The following CELF2 variants were observed in gnomAD, a reference collection of about 807,000 sequenced individuals.
CELF2 encodes the protein CUG triplet repeat RNA-binding protein 2.
Under a neutral mutation model 62.6 loss-of-function variants are expected in CELF2, and 8 were observed. The ratio of observed to expected loss-of-function variants is 0.13; its 90% CI spans 0.07 to 0.23. The LOEUF (loss-of-function observed/expected upper bound fraction) is 0.23. Ranked by LOEUF, CELF2 falls within the 10% of genes least tolerant of loss-of-function variation. The pLI is 1.00. For synonymous variants in CELF2, 258 were observed against 250.0 expected (o/e 1.03, Z -0.30); for missense variants, 333 against 671.0 (o/e 0.50, Z 5.56).
chr10:10,908,142 C>T (rs1258595468), intron 1 of CELF2, among the ~76,000 whole-genome samples: 1 of 150,596 alleles, frequency 6.6e-6, no homozygotes, highest in Non-Finnish European at 1.5e-5. Context: ...CCTCGGGGAG[C>T]CTCACTTTAC....
rs2065485794 is a variant in CELF2, at chr10:11,223,396, A to C, written c.354+5889A>C. On this transcript the variant is annotated intron_variant, in intron 3 of 12. Transcript: ENST00000633077. This position sits in a 1 kb window ranked among gnomAD's most constrained non-coding sequence, Gnocchi z 5.1. ...ATTCCACACATGTATTCTGCTGCGG[A>C]ATGTGTCAGTCAGGACATCCATTTG... 6.6e-6 allele frequency among the ~76,000 whole-genome samples: 1 copy of C among 152,218 alleles called. No homozygotes were observed. Among genetic ancestry groups the C allele is most frequent in the African/African-American group, 2.4e-5 (1 of 41,452 alleles).
chr10:10,727,115 G>A, the CELF2 span, among the ~76,000 whole-genome samples: 5 of 152,120 alleles, frequency 3.3e-5, no homozygotes, highest in Admixed American at 6.6e-5. Flanking sequence ...GATCACCTCC[G>A]GCCAGGCCCC....
chr10:11,129,657 G>A (rs1632052), intron 1 of CELF2, among the ~76,000 whole-genome samples: 42,886 of 151,994 alleles, frequency 0.28, 7,246 homozygotes, highest in East Asian at 0.76. Context: ...TTTCTAGTTT[G>A]TTTGTGTAGA....
At position 11,324,572 on chromosome 10, in the gene CELF2, A is replaced by G. The variant is rs1408562286; in HGVS notation, c.1295-1264A>G. 6.6e-6 allele frequency among the ~76,000 whole-genome samples: 1 copy of G among 152,248 alleles called. No individual in the cohort carries two copies. Among genetic ancestry groups the G allele is most frequent in the Non-Finnish European group, 1.5e-5 (1 of 68,036 alleles). On this transcript the variant is annotated intron_variant, in intron 11 of 12. Coordinates refer to ENST00000633077, the MANE Select transcript of CELF2 (RefSeq NM_001326342.2). This position sits in a 1 kb window ranked among gnomAD's most constrained non-coding sequence, Gnocchi z 4.7. ...AAAGTTACAGTAGTCATTAAGACACACTTTTAAATGAGAAAGGAAGAGTTC... is the reference window on the plus strand; with the variant it reads ...AAAGTTACAGTAGTCATTAAGACACGCTTTTAAATGAGAAAGGAAGAGTTC...
chr10:11,239,140 T>C (rs975642330), intron 3 of CELF2, among the ~76,000 whole-genome samples: 1 of 152,250 alleles, frequency 6.6e-6, no homozygotes, highest in African/African-American at 2.4e-5. Flanking sequence ...AATTCCCTCA[T>C]AGAATTCCAC....
the CELF2 span, among the ~76,000 whole-genome samples, chr10:10,788,634 T>C: frequency 2.4e-4 from 36 of 151,902 alleles, no homozygotes; most frequent in Admixed American, 2.4e-3. Flanking sequence ...GGCTAATCTT[T>C]GTATTTTTAG....
chr10:11,252,266 C>T (rs2077376682), intron 4 of CELF2, among the ~76,000 whole-genome samples: 1 of 152,198 alleles, frequency 6.6e-6, no homozygotes, highest in African/African-American at 2.4e-5. Flanking sequence ...GCTCAAAGAG[C>T]ACAAAGATTT....
the CELF2 span, among the ~76,000 whole-genome samples, chr10:10,700,914 A>C: frequency 1.3e-5 from 2 of 152,264 alleles, no homozygotes; most frequent in African/African-American, 4.8e-5. Context: ...AGTTTAAGGG[A>C]GATTGGAGGT....
rs990033104 is a variant in CELF2 at position 11,207,520 on chromosome 10, C to T, written c.272-9905C>T. 9.9e-5 allele frequency among the ~76,000 whole-genome samples: 15 copies of T among 152,198 alleles called. No individual in the cohort carries two copies. The highest frequency in any genetic ancestry group is 3.6e-4 in the African/African-American group (15 of 41,442). ...AAAGGTGGCTCAGATTTGCTGTCTGCGAGGAATCTTGCAGGGAAAGTGAGG... is the reference window on the plus strand; with the variant it reads ...AAAGGTGGCTCAGATTTGCTGTCTGTGAGGAATCTTGCAGGGAAAGTGAGG... On this transcript the variant is annotated intron_variant, in intron 2 of 12. Coordinates refer to ENST00000633077, the MANE Select transcript of CELF2 (RefSeq NM_001326342.2). This position sits in a 1 kb window ranked among gnomAD's most constrained non-coding sequence, Gnocchi z 4.1.
chr10:10,727,154 CAT>C, the CELF2 span, among the ~76,000 whole-genome samples: 3 of 152,308 alleles, frequency 2.0e-5, no homozygotes, highest in Admixed American at 2.0e-4. Context: ...TACAGTTGAA[CAT>C]GAGATTTGTG....
At chr10:10,466,697 T>A in the CELF2 span, among the ~76,000 whole-genome samples, 2 of 152,148 alleles carry the variant, frequency 1.3e-5, no homozygotes, top group Non-Finnish European at 2.9e-5. Context: ...TTGCTGGGTA[T>A]CTTTGCCAAC....
chr10:10,980,632 A>G (rs75600241), intron 2 of CELF2, among the ~76,000 whole-genome samples: 1,935 of 152,286 alleles, frequency 0.013, 40 homozygotes, highest in African/African-American at 0.044. Context: ...ACTAACTGGG[A>G]TGCATTTCTG....
At chr10:10,598,304 G>C in the CELF2 span, among the ~76,000 whole-genome samples, 2 of 152,138 alleles carry the variant, frequency 1.3e-5, no homozygotes, top group Non-Finnish European at 2.9e-5. Context: ...CTCAGAAAAG[G>C]CCCTTGATAG....
At chr10:11,059,735 A>G (rs1205027862) in intron 1 of CELF2, among the ~76,000 whole-genome samples, 1 of 152,208 alleles carries the variant, frequency 6.6e-6, no homozygotes, top group African/African-American at 2.4e-5. Flanking sequence ...GCGCAGCCTC[A>G]GGCACTGGAA....
At position 11,280,222 on chromosome 10, in the gene CELF2, G is replaced by A. The variant is rs183089495; in HGVS notation, c.841+5102G>A. Among the ~76,000 whole-genome samples the A allele has an allele frequency of 9.2e-5, 14 of 152,296 alleles. No homozygotes were observed. Among genetic ancestry groups the A allele is most frequent in the African/African-American group, 2.9e-4 (12 of 41,580 alleles). ...CCAGAAAGAGGACTTCCGGATGAGC[G>A]GAAGTGAAGCCCGCTGTTAGTTCTG... On this transcript the variant is annotated intron_variant, in intron 8 of 12. Coordinates refer to ENST00000633077, the MANE Select transcript of CELF2 (RefSeq NM_001326342.2). The surrounding 1 kb of genome is among the most constrained non-coding windows in gnomAD (Gnocchi z 7.6).
At chr10:11,303,157 T>C (rs1054952309) in intron 9 of CELF2, among the ~76,000 whole-genome samples, 2 of 152,192 alleles carry the variant, frequency 1.3e-5, no homozygotes, top group Admixed American at 6.5e-5. Flanking sequence ...CACCCACTGA[T>C]CCTAATTTTG....
the CELF2 span, among the ~76,000 whole-genome samples, chr10:10,523,293 T>G: frequency 2.0e-5 from 3 of 152,260 alleles, no homozygotes; most frequent in African/African-American, 7.2e-5. Context: ...TAGGCTTGAC[T>G]ATACCTATAT....
the CELF2 span, among the ~76,000 whole-genome samples, chr10:10,773,878 C>T: frequency 6.6e-6 from 1 of 152,228 alleles, no homozygotes; most frequent in Admixed American, 6.5e-5. Context: ...GCGATAAACA[C>T]TGCTGCCTAG....
the CELF2 span, among the ~76,000 whole-genome samples, chr10:10,608,529 G>A: frequency 1.3e-5 from 2 of 152,170 alleles, no homozygotes; most frequent in African/African-American, 2.4e-5. Context: ...CTGGGAGCCA[G>A]ATTATTTTAT....
Sources: gnomAD v4.1 joint callset for allele counts (sites outside exome capture counted in the v4.1 genomes callset) on GRCh38, gnomAD v4.1.1 for gene constraint, Gnocchi (gnomAD v3.1) non-coding constraint, MANE v1.5 for transcripts, NCBI Gene and HGNC (gene_info 2026-07-23, HGNC 2026-07-21) for gene names.